Variants in SPTLC2 observed in about 807,000 individuals in gnomAD.
The protein encoded by SPTLC2 is serine palmitoyltransferase 2.
In SPTLC2, 21 loss-of-function variants were observed where a neutral mutation model predicts 62.0. The observed-to-expected ratio is 0.34, with a 90% CI of 0.24 to 0.49. SPTLC2 has a LOEUF of 0.49. Among genes scored for constraint, SPTLC2 ranks in the 20% least tolerant of loss-of-function variants. The pLI is 0.99. For synonymous variants in SPTLC2, 261 were observed against 261.8 expected (o/e 1.00, Z 0.03); for missense variants, 511 against 713.0 (o/e 0.72, Z 3.23).
chr14:77,557,574 C>G (rs193196556), intron 6 of SPTLC2, among the ~76,000 whole-genome samples: 2 of 152,286 alleles, frequency 1.3e-5, no homozygotes, highest in Non-Finnish European at 2.9e-5. Flanking sequence ...CAGACACATA[C>G]TCCTCCTAAA....
At chr14:77,546,237 T>C (rs1214770386) in intron 9 of SPTLC2, among the ~76,000 whole-genome samples, 2 of 152,214 alleles carry the variant, frequency 1.3e-5, no homozygotes, top group Non-Finnish European at 2.9e-5. Context: ...TCTCCACCTG[T>C]AAGGTGGTCA....
At chr14:77,573,976 G>A (rs943174611) in intron 4 of SPTLC2, among the ~76,000 whole-genome samples, 1 of 152,176 alleles carries the variant, frequency 6.6e-6, no homozygotes, top group Non-Finnish European at 1.5e-5. Context: ...CCGTGTGGTG[G>A]AGTGATGTGC....
intron 5 of SPTLC2, among the ~76,000 whole-genome samples, chr14:77,566,866 G>A (rs2079648056): frequency 8.4e-6 from 1 of 119,632 alleles, no homozygotes; most frequent in Non-Finnish European, 2.0e-5. Flanking sequence ...CACCTCACAT[G>A]GAAATTCAGT....
At chr14:77,602,548 CTTTTT>C in intron 1 of SPTLC2, among the ~76,000 whole-genome samples, 1 of 137,510 alleles carries the variant, frequency 7.3e-6, no homozygotes, top group Middle Eastern at 3.8e-3. Flanking sequence ...AGGTTTGTTT[CTTTTT>C]TTTTTTTTTT....
intron 9 of SPTLC2, among the ~76,000 whole-genome samples, chr14:77,521,919 T>A (rs1050719660): frequency 2.6e-5 from 4 of 152,188 alleles, no homozygotes; most frequent in African/African-American, 9.7e-5. Flanking sequence ...ATCTTCATAT[T>A]ATAGGTGGGG....
At chr14:77,598,100 A>C (rs7157536) in intron 1 of SPTLC2, among the ~76,000 whole-genome samples, 81,844 of 144,548 alleles carry the variant, frequency 0.57, 23,268 homozygotes, top group South Asian at 0.67. Flanking sequence ...CCAGCCTGGG[A>C]AATAAGAGCG....
intron 2 of SPTLC2, among the ~76,000 whole-genome samples, chr14:77,589,555 C>G (rs1486663662): frequency 6.6e-6 from 1 of 150,654 alleles, no homozygotes; most frequent in African/African-American, 2.4e-5. Flanking sequence ...TTTGGGAGGT[C>G]GAGGTGGGCA....
At chr14:77,524,182 T>G (rs1162737744) in intron 9 of SPTLC2, among the ~76,000 whole-genome samples, 1 of 152,192 alleles carries the variant, frequency 6.6e-6, no homozygotes, top group South Asian at 2.1e-4. Flanking sequence ...GACTGCACAC[T>G]GTATGAATTC....
intron 9 of SPTLC2, among the ~76,000 whole-genome samples, chr14:77,530,174 A>C (rs1448031939): frequency 6.6e-6 from 1 of 152,106 alleles, no homozygotes; most frequent in Non-Finnish European, 1.5e-5. Context: ...TTATTACATC[A>C]TTTCCAAGAA....
intron 10 of SPTLC2, 131 bp from the exon 11 acceptor site, chr14:77,518,298 TA>T: frequency 7.6e-7 from 1 of 1,322,476 alleles, no homozygotes; most frequent in Non-Finnish European, 1.1e-6. Flanking sequence ...GAGTTTCCTT[TA>T]ACTCCTTTTA....
chr14:77,599,074 T>C (rs2299923), intron 1 of SPTLC2, among the ~76,000 whole-genome samples: 65,738 of 151,894 alleles, frequency 0.43, 14,567 homozygotes, highest in East Asian at 0.63. Flanking sequence ...TTATCCCTTG[T>C]TTTAACCTTT....
rs916250662 is a variant in SPTLC2, at chr14:77,583,481, T to C, written c.328-4372A>G. On this transcript the variant is annotated intron_variant, in intron 2 of 11. Coordinates refer to ENST00000216484, the MANE Select transcript of SPTLC2 (RefSeq NM_004863.4). ...AGTACTCGATACATACTGGGTTGTATGCCAGACTTTCAGGATACGTTAAAG... is the reference window on the plus strand; with the variant it reads ...AGTACTCGATACATACTGGGTTGTACGCCAGACTTTCAGGATACGTTAAAG... 2.8e-4 allele frequency among the ~76,000 whole-genome samples: 43 copies of C among 152,262 alleles called. 1 individual carries two copies. In the East Asian group the frequency reaches 6.6e-3, roughly 23 times the overall value.
At chr14:77,603,346 C>T (rs1193051441) in intron 1 of SPTLC2, among the ~76,000 whole-genome samples, 2 of 152,220 alleles carry the variant, frequency 1.3e-5, no homozygotes, top group Non-Finnish European at 2.9e-5. Flanking sequence ...GTCCATTAAA[C>T]GAACCCTATT....
At chr14:77,525,565 G>A (rs1357805222) in intron 9 of SPTLC2, among the ~76,000 whole-genome samples, 2 of 150,926 alleles carry the variant, frequency 1.3e-5, no homozygotes, top group East Asian at 3.9e-4. Flanking sequence ...CTCTGCCCTG[G>A]GCAATAAGAG....
chr14:77,557,214 G>A (rs2140022190), intron 6 of SPTLC2, 68 bp from the exon 7 acceptor site: 3 of 1,350,476 alleles, frequency 2.2e-6, no homozygotes, highest in Middle Eastern at 1.8e-4. Flanking sequence ...CGGAAATGCA[G>A]AGATATATTT....
intron 3 of SPTLC2, 45 bp downstream of exon 3, chr14:77,578,910 A>T (rs2079732169): frequency 6.2e-7 from 1 of 1,604,660 alleles, no homozygotes; most frequent in Non-Finnish European, 8.5e-7. Flanking sequence ...AAATGAAGAA[A>T]CCCTTTTGTA....
At chr14:77,612,936 T>C (rs914071758) in intron 1 of SPTLC2, among the ~76,000 whole-genome samples, 5 of 152,148 alleles carry the variant, frequency 3.3e-5, no homozygotes, top group Non-Finnish European at 7.4e-5. Context: ...GTCTCAAAGG[T>C]AGATAACTTT....
At chr14:77,582,606 A>G (rs557123420) in intron 2 of SPTLC2, among the ~76,000 whole-genome samples, 36 of 152,286 alleles carry the variant, frequency 2.4e-4, no homozygotes, top group African/African-American at 7.9e-4. Context: ...TGGGCTAAAC[A>G]AAGAAAACCA....
In SPTLC2 at chr14:77,555,272, T is replaced by C. The variant is rs115520638; in HGVS notation, c.1176+28A>G. 569 of 1,613,632 alleles carry C rather than the reference T, an allele frequency of 3.5e-4. 1 individual carries two copies. In the African/African-American group the frequency reaches 6.6e-3, roughly 19 times the overall value. Reference sequence around the variant, plus strand: ...ATCTAATTGCCAGTGACTTTATCTCTAATCGCTCATTCTCATGGCTCGTTT... The same window carrying C: ...ATCTAATTGCCAGTGACTTTATCTCCAATCGCTCATTCTCATGGCTCGTTT... On this transcript the variant is annotated intron_variant, in intron 8 of 11. Coordinates refer to ENST00000216484, the MANE Select transcript of SPTLC2 (RefSeq NM_004863.4).
Sources: gnomAD v4.1 joint callset for allele counts (sites outside exome capture counted in the v4.1 genomes callset) on GRCh38, gnomAD v4.1.1 for gene constraint, MANE v1.5 for transcripts, NCBI Gene and HGNC (gene_info 2026-07-23, HGNC 2026-07-21) for gene names.